The following MFHAS1 variants were observed in gnomAD, a reference collection of about 807,000 sequenced individuals.
MFHAS1 encodes the protein malignant fibrous histiocytoma-amplified sequence 1.
Under a neutral mutation model 70.4 loss-of-function variants are expected in MFHAS1, and 50 were observed. That is an observed-to-expected ratio of 0.71 (90% CI 0.57 to 0.90). The LOEUF is 0.90. Ranked by LOEUF, MFHAS1 falls within the 40% of genes least tolerant of loss-of-function variation. MFHAS1 has a pLI of 0.00. For missense variants in MFHAS1, 1,795 were observed against 1,347.6 expected (o/e 1.33, Z -5.20); for synonymous variants, 952 against 620.0 (o/e 1.54, Z -7.96).
intron 1 of MFHAS1, among the ~76,000 whole-genome samples, chr8:8,832,477 G>A (rs1215347455): frequency 1.3e-5 from 2 of 149,706 alleles, no homozygotes; most frequent in African/African-American, 4.9e-5. Context: ...CACAGAAATG[G>A]CACAATGAGC....
intron 1 of MFHAS1, among the ~76,000 whole-genome samples, chr8:8,841,290 C>A (rs1014454194): frequency 4.1e-4 from 62 of 151,162 alleles, no homozygotes; most frequent in African/African-American, 1.3e-3. Context: ...GCCTGGCCAA[C>A]ATAGTGAAAC....
At chr8:8,864,168 G>C (rs543281352) in intron 1 of MFHAS1, among the ~76,000 whole-genome samples, 242 of 152,320 alleles carry the variant, frequency 1.6e-3, no homozygotes, top group African/African-American at 5.6e-3. Context: ...ACTTGTCTCA[G>C]CAGTGATTGG....
rs141624221 is a variant in MFHAS1 at position 8,809,986 on chromosome 8, G to C, written c.2999-12495C>G. ...AAAATAGGACGAACCCTTATGACCT[G>C]AAATTATAAAACTAGCGCCCAAGGA... On this transcript the variant is annotated intron_variant, in intron 1 of 2. Coordinates refer to ENST00000276282, the MANE Select transcript of MFHAS1 (RefSeq NM_004225.3). 6.9e-4 allele frequency among the ~76,000 whole-genome samples: 105 copies of C among 152,312 alleles called. 1 individual carries two copies. Among genetic ancestry groups the C allele is most frequent in the African/African-American group, 2.4e-3 (101 of 41,558 alleles).
Position 8,891,359 on chromosome 8 carries a change from T to A in MFHAS1, c.1700A>T (p.Glu567Val). Residue 567 changes from glutamate (E) to valine (V), a missense_variant, in exon 1 of 3, where the codon GAG (glutamate) becomes GTG (valine). Physicochemically the swap from Glu to Val is moderately radical, Grantham distance 121. Transcript: ENST00000276282. This position sits in a 1 kb window ranked among gnomAD's most constrained non-coding sequence, Gnocchi z 5.4. ...CACCTTGGCCAAGCGGCTCAGTCCC[T>A]CCGCGTCGTGCTTCTCCTGCAGGGC... ...QIALQEKHDA[E>V]GLSRLAKVVD... The A allele has an allele frequency of 6.2e-7, 1 of 1,611,150 alleles. No individual in the cohort carries two copies. The highest frequency in any genetic ancestry group is 8.5e-7 in the Non-Finnish European group (1 of 1,180,018).
chr8:8,786,234 G>C (rs76753511), intron 2 of MFHAS1, among the ~76,000 whole-genome samples, 179 bp from the exon 3 acceptor site: 3,265 of 152,264 alleles, frequency 0.021, 110 homozygotes, highest in African/African-American at 0.075. Context: ...ACAAAGGAAA[G>C]AGTCATTTTA....
At chr8:8,813,762 A>C (rs1174484366) in intron 1 of MFHAS1, among the ~76,000 whole-genome samples, 1 of 152,152 alleles carries the variant, frequency 6.6e-6, no homozygotes, top group Non-Finnish European at 1.5e-5. Flanking sequence ...ATTTACTATT[A>C]AAGAAATAAA....
intron 1 of MFHAS1, among the ~76,000 whole-genome samples, chr8:8,877,732 C>G (rs535891394): frequency 1.3e-5 from 2 of 152,256 alleles, no homozygotes; most frequent in South Asian, 4.1e-4. Flanking sequence ...GTTTTCCCAG[C>G]CATAAATCTC....
At chr8:8,800,240 G>C (rs1420423882) in intron 1 of MFHAS1, among the ~76,000 whole-genome samples, 1 of 152,158 alleles carries the variant, frequency 6.6e-6, no homozygotes, top group African/African-American at 2.4e-5. Context: ...CCAAACTCCT[G>C]TAAACAGCAA....
In MFHAS1 at chr8:8,890,311, G is replaced by T. The variant is rs74319020; in HGVS notation, c.2748C>A (p.Ile916=). 1.8e-4 allele frequency: 285 copies of T among 1,614,226 alleles called. 3 individuals are homozygous for T. The African/African-American group carries it at 3.5e-3, about 20-fold the overall frequency. Residue 916 remains isoleucine, a synonymous_variant, in exon 1 of 3, where the codon ATC becomes ATA. Transcript: ENST00000276282. ...VVHRSDGKFQ[I]FAYRGKVPVV... Reference sequence around the variant, plus strand: ...CAGGAACTTTCCCTCTATAGGCAAAGATCTGAAATTTACCATCCGACCTGT... The same window carrying T: ...CAGGAACTTTCCCTCTATAGGCAAATATCTGAAATTTACCATCCGACCTGT...
chr8:8,802,392 T>C (rs1806110758), intron 1 of MFHAS1, among the ~76,000 whole-genome samples: 2 of 152,244 alleles, frequency 1.3e-5, no homozygotes, highest in Non-Finnish European at 2.9e-5. Context: ...TAGTAAGTAC[T>C]TGACCCTATT....
chr8:8,838,291 C>A (rs1807680395), intron 1 of MFHAS1, among the ~76,000 whole-genome samples: 1 of 152,142 alleles, frequency 6.6e-6, no homozygotes, highest in Non-Finnish European at 1.5e-5. Context: ...AAAGCAACCC[C>A]AGGATTGAGG....
intron 1 of MFHAS1, among the ~76,000 whole-genome samples, chr8:8,875,168 G>A (rs1028136471): frequency 1.3e-5 from 2 of 152,132 alleles, no homozygotes; most frequent in African/African-American, 4.8e-5. Context: ...CGTGCATTGA[G>A]ATTTAATGAC....
At chr8:8,845,283 C>G (rs1807987233) in intron 1 of MFHAS1, among the ~76,000 whole-genome samples, 1 of 152,176 alleles carries the variant, frequency 6.6e-6, no homozygotes, top group Non-Finnish European at 1.5e-5. Flanking sequence ...CACTTAAAAA[C>G]TTTTTTAAAA....
At chr8:8,826,946 T>C (rs999473971) in intron 1 of MFHAS1, among the ~76,000 whole-genome samples, 1 of 152,198 alleles carries the variant, frequency 6.6e-6, no homozygotes. Context: ...TGAGACCCTG[T>C]CCCAACCCTG....
At chr8:8,871,401 T>C (rs1167814280) in intron 1 of MFHAS1, among the ~76,000 whole-genome samples, 3 of 151,996 alleles carry the variant, frequency 2.0e-5, no homozygotes, top group African/African-American at 7.3e-5. Flanking sequence ...AATACAAAAA[T>C]TAGCTGGGCA....
intron 1 of MFHAS1, among the ~76,000 whole-genome samples, chr8:8,844,734 G>C (rs1230384207): frequency 1.3e-5 from 2 of 152,152 alleles, no homozygotes; most frequent in African/African-American, 2.4e-5. Context: ...TGGCATATTG[G>C]ATTACTGACC....
At chr8:8,830,744 A>G (rs546659291) in intron 1 of MFHAS1, among the ~76,000 whole-genome samples, 14 of 152,282 alleles carry the variant, frequency 9.2e-5, no homozygotes, top group Admixed American at 2.0e-4. Context: ...CTGGGATTAC[A>G]GCACCACCAT....
chr8:8,797,187 A>T (rs1027213111), intron 2 of MFHAS1, among the ~76,000 whole-genome samples, 178 bp downstream of exon 2: 23 of 152,128 alleles, frequency 1.5e-4, no homozygotes, highest in Non-Finnish European at 4.4e-5. Flanking sequence ...AGAGGAAATA[A>T]AAGTTCCTGT....
chr8:8,832,317 C>T (rs1451662969), intron 1 of MFHAS1, among the ~76,000 whole-genome samples: 2 of 151,976 alleles, frequency 1.3e-5, no homozygotes, highest in Admixed American at 1.3e-4. Context: ...GTAATACATA[C>T]ATCTGGCAAA....
Sources: allele counts gnomAD v4.1 joint callset (sites outside exome capture counted in the v4.1 genomes callset), GRCh38; gene constraint gnomAD v4.1.1; non-coding constraint Gnocchi (gnomAD v3.1); transcripts MANE v1.5; gene names NCBI Gene and HGNC (gene_info 2026-07-23, HGNC 2026-07-21).